SUMF1: variants seen among roughly 807,000 people sequenced by gnomAD.
SUMF1 encodes the protein sulfatase modifying factor 1.
A neutral mutation model predicts 47.6 loss-of-function variants in SUMF1; 48 were observed. The observed-to-expected ratio is 1.01, with a 90% CI of 0.80 to 1.28. The LOEUF (loss-of-function observed/expected upper bound fraction) is 1.28, where lower values mean the gene tolerates loss of function less well. Ranked by LOEUF, SUMF1 falls within the 50% of genes most tolerant of loss-of-function variation. The pLI is 0.00. For missense variants in SUMF1, 571 were observed against 485.4 expected (o/e 1.18, Z -1.66); for synonymous variants, 230 against 192.1 (o/e 1.20, Z -1.63).
At chr3:4,217,146 AC>A (rs1179025132) in intron 8 of SUMF1, among the ~76,000 whole-genome samples, 3 of 152,106 alleles carry the variant, frequency 2.0e-5, no homozygotes, top group African/African-American at 7.2e-5. Flanking sequence ...TGGATTAAAA[AC>A]ATGTGGCACA....
intron 8 of SUMF1, among the ~76,000 whole-genome samples, chr3:4,135,580 C>G (rs2125091196): frequency 6.6e-6 from 1 of 152,264 alleles, no homozygotes; most frequent in Middle Eastern, 3.4e-3. Flanking sequence ...GGGATGCCCT[C>G]TGTCACCACT....
Position 4,060,398 on chromosome 3 carries a change from C to T in SUMF1, c.1191+8171G>A, listed in dbSNP as rs374220904. On this transcript the variant is annotated intron_variant and NMD_transcript_variant, in intron 9 of 12. Transcript: ENST00000448413. ...TGCCCTTGTACAATTTATATAATCT[C>T]TCTGCCTCGGTTTTCTCACTGTAAA... Among the ~76,000 whole-genome samples the T allele has an allele frequency of 5.9e-5, 9 of 152,278 alleles. 1 individual carries two copies. The highest frequency in any genetic ancestry group is 1.9e-4 in the East Asian group (1 of 5,182).
chr3:4,300,010 C>T (rs1050461325), intron 8 of SUMF1, among the ~76,000 whole-genome samples: 3 of 152,086 alleles, frequency 2.0e-5, no homozygotes, highest in African/African-American at 7.2e-5. Flanking sequence ...GGATATTTGT[C>T]CTCATCCAAG....
intron 8 of SUMF1, among the ~76,000 whole-genome samples, chr3:4,169,869 A>C (rs1694794131): frequency 6.6e-6 from 1 of 152,188 alleles, no homozygotes; most frequent in Admixed American, 6.5e-5. Context: ...GCACTGCAAA[A>C]GCCTCGTTAA....
chr3:4,271,932 T>G (rs183298571), intron 8 of SUMF1, among the ~76,000 whole-genome samples: 4 of 152,164 alleles, frequency 2.6e-5, no homozygotes, highest in Non-Finnish European at 5.9e-5. Flanking sequence ...TAGCCTCTGG[T>G]TGATGTAAGA....
intron 3 of SUMF1, among the ~76,000 whole-genome samples, chr3:4,426,767 C>T (rs1261787310): frequency 6.6e-6 from 1 of 152,194 alleles, no homozygotes; most frequent in African/African-American, 2.4e-5. Context: ...TGGTTGTCCA[C>T]CTACACATTC....
At chr3:4,157,927 T>G (rs887386830) in intron 8 of SUMF1, among the ~76,000 whole-genome samples, 1 of 150,382 alleles carries the variant, frequency 6.6e-6, no homozygotes, top group Admixed American at 6.6e-5. Context: ...GTACTTTGTA[T>G]TTTCAGTCTC....
chr3:4,397,956 T>G (rs1701090681), intron 7 of SUMF1, among the ~76,000 whole-genome samples: 1 of 152,074 alleles, frequency 6.6e-6, no homozygotes, highest in African/African-American at 2.4e-5. Flanking sequence ...CTCTGTAGCA[T>G]CTCCTTGAAA....
intron 8 of SUMF1, among the ~76,000 whole-genome samples, chr3:4,102,063 G>A (rs935915748): frequency 6.6e-6 from 1 of 152,106 alleles, no homozygotes; most frequent in African/African-American, 2.4e-5. Flanking sequence ...CACCATGGGG[G>A]TAACTGCCTC....
intron 8 of SUMF1, among the ~76,000 whole-genome samples, chr3:4,133,251 T>C (rs572349769): frequency 8.5e-5 from 13 of 152,302 alleles, no homozygotes; most frequent in African/African-American, 2.9e-4. Context: ...CATTTAAGAA[T>C]TGTTAACTTT....
chr3:4,428,027 G>C (rs1267967388), intron 3 of SUMF1, among the ~76,000 whole-genome samples: 1 of 152,038 alleles, frequency 6.6e-6, no homozygotes, highest in Admixed American at 6.5e-5. Flanking sequence ...CATCAAATAA[G>C]TAACTGTAAA....
chr3:4,410,665 A>G (rs1053980060), intron 7 of SUMF1, among the ~76,000 whole-genome samples, 200 bp downstream of exon 7: 33 of 152,260 alleles, frequency 2.2e-4, no homozygotes, highest in Admixed American at 2.2e-3. Context: ...CCAGGAAAAG[A>G]TAACATGCTC....
At position 4,265,136 on chromosome 3, in the gene SUMF1, CAAAAAAAAA is replaced by C. The variant is rs71043507; in HGVS notation, c.1014+111185_1014+111193del. Among the ~76,000 whole-genome samples, 6 of 73,412 alleles carry C rather than the reference CAAAAAAAAA, an allele frequency of 8.2e-5. No homozygotes were observed. The Admixed American group carries it at 8.9e-4, about 11-fold the overall frequency. The allele number at this position is 73,412 out of a possible 152,430, so 48.2% of individuals were successfully genotyped here. On this transcript the variant is annotated intron_variant and NMD_transcript_variant, in intron 8 of 12. Transcript: ENST00000448413. Reference sequence around the variant, plus strand: ...TGGGTGACAGAGCGAGACTCCATCTCAAAAAAAAAAAAAAAAAAAAAAAGAACACTTAGG... The same window carrying C: ...TGGGTGACAGAGCGAGACTCCATCTCAAAAAAAAAAAAAAGAACACTTAGG...
intron 8 of SUMF1, among the ~76,000 whole-genome samples, chr3:4,237,009 A>G (rs1696424722): frequency 1.3e-5 from 2 of 152,070 alleles, no homozygotes; most frequent in Non-Finnish European, 2.9e-5. Context: ...CCCTTTTTAA[A>G]TTGGCTTCTT....
At chr3:4,037,224 T>C (rs1463440528) in intron 9 of SUMF1, among the ~76,000 whole-genome samples, 2 of 152,132 alleles carry the variant, frequency 1.3e-5, no homozygotes, top group African/African-American at 4.8e-5. Context: ...GAAAGTAACA[T>C]AGCAAAGATA....
rs758168390 is a variant in SUMF1 at position 4,467,104 on chromosome 3, C to G, written c.142G>C (p.Gly48Arg). 15 of 1,562,158 alleles carry G rather than the reference C, an allele frequency of 9.6e-6. No individual in the cohort carries two copies. In the South Asian group the frequency reaches 1.2e-4, roughly 12 times the overall value. The change falls in exon 1 of 9, where the codon GGT becomes CGT. Residue 48 changes from glycine to arginine, a missense_variant. Physicochemically the swap from Gly to Arg is moderately radical, Grantham distance 125. Transcript: ENST00000272902. ...GTGAGAGSLA[G>R]SCGCGTPQRP... is the part of the protein sequence containing the mutation. ...TGGGGCGTGCCGCAGCCGCAAGAAC[C>G]CGCAAGGGACCCCGCGCCCGCACCG...
intron 1 of SUMF1, among the ~76,000 whole-genome samples, chr3:4,459,931 A>G (rs1425648398): frequency 6.6e-6 from 1 of 152,228 alleles, no homozygotes; most frequent in Non-Finnish European, 1.5e-5. Flanking sequence ...CCAACTGAAA[A>G]GGGCTGGAAA....
chr3:4,243,357 C>G (rs147083511), intron 8 of SUMF1, among the ~76,000 whole-genome samples: 1,851 of 152,140 alleles, frequency 0.012, 41 homozygotes, highest in African/African-American at 0.042. Flanking sequence ...TAGTGTTAGG[C>G]TGTCGATTTT....
chr3:4,419,107 T>C (rs1338227429), intron 4 of SUMF1, among the ~76,000 whole-genome samples: 1 of 152,224 alleles, frequency 6.6e-6, no homozygotes, highest in South Asian at 2.1e-4. Context: ...GTTGACTGCA[T>C]GGATAACATA....
Sources: allele counts gnomAD v4.1 joint callset (sites outside exome capture counted in the v4.1 genomes callset), GRCh38; gene constraint gnomAD v4.1.1; transcripts MANE v1.5; gene names NCBI Gene and HGNC (gene_info 2026-07-23, HGNC 2026-07-21).